The following KIF16B variants were observed in gnomAD, a reference collection of about 807,000 sequenced individuals.
KIF16B encodes the protein kinesin-like protein KIF16B.
KIF16B carries 98 observed loss-of-function variants against 156.3 expected under a neutral mutation model. The observed-to-expected ratio is 0.63, with a 90% confidence interval of 0.53 to 0.74. The LOEUF is 0.74. Ranked by LOEUF, KIF16B falls within the 30% of genes least tolerant of loss-of-function variation. The pLI, the probability that KIF16B is intolerant of heterozygous loss-of-function variation, is 0.00. For missense variants in KIF16B, 1,421 were observed against 1,606.5 expected (o/e 0.88, Z 1.97); for synonymous variants, 564 against 583.7 (o/e 0.97, Z 0.49).
chr20:16,511,403 A>G lies in KIF16B; in HGVS notation c.556+15T>C. On this transcript the variant is annotated intron_variant, in intron 6 of 25. Transcript: ENST00000354981. Reference sequence around the variant, plus strand: ...GATCACAAAAAGAATATGGCTGTGAAATATCTACTCTTACCCTCAACATAA... The same window carrying G: ...GATCACAAAAAGAATATGGCTGTGAGATATCTACTCTTACCCTCAACATAA... The G allele has an allele frequency of 6.6e-6, 9 of 1,371,222 alleles. No homozygotes were observed. Among genetic ancestry groups the G allele is most frequent in the Non-Finnish European group, 9.1e-6 (9 of 983,726 alleles). 84.9% of individuals were successfully genotyped at this position (1,371,222 alleles called of 1,614,324 possible).
At chr20:16,359,401 C>T (rs2064506784) in intron 22 of KIF16B, among the ~76,000 whole-genome samples, 1 of 152,184 alleles carries the variant, frequency 6.6e-6, no homozygotes, top group African/African-American at 2.4e-5. Context: ...TTCCCCTTCA[C>T]CTTCCACCAT....
chr20:16,521,328 A>G (rs1363163525), intron 3 of KIF16B, among the ~76,000 whole-genome samples: 2 of 151,882 alleles, frequency 1.3e-5, no homozygotes, highest in Non-Finnish European at 2.9e-5. Context: ...AACATAAATG[A>G]CCTGATCGAG....
chr20:16,494,064 A>G (rs1243053043), intron 12 of KIF16B, among the ~76,000 whole-genome samples: 3 of 152,200 alleles, frequency 2.0e-5, no homozygotes, highest in Non-Finnish European at 2.9e-5. Context: ...TTAAATATCA[A>G]TATAACCTGT....
At position 16,520,141 on chromosome 20, in the gene KIF16B, T is replaced by G. The variant is rs1401565205; in HGVS notation, c.232-4477A>C. Among the ~76,000 whole-genome samples, 4 of 147,024 alleles carry G rather than the reference T, an allele frequency of 2.7e-5. No individual in the cohort carries two copies. The Admixed American group carries it at 2.7e-4, about 10-fold the overall frequency. On this transcript the variant is annotated intron_variant, in intron 3 of 25. Transcript: ENST00000354981. ...AGCTGCAGGAGTTTTTTTTTTTTTTTCATACCCTGGTGGCACCTGGAACAC... is the reference window on the plus strand; with the variant it reads ...AGCTGCAGGAGTTTTTTTTTTTTTTGCATACCCTGGTGGCACCTGGAACAC...
rs1357276952 is a variant in KIF16B at position 16,507,948 on chromosome 20, C to T, written c.699+10G>A. ...GGGATGGAGCCAGCTGGTCCCGCAG[C>T]AGCCCTTACCTGAGTGAACTTGATG... On this transcript the variant is annotated intron_variant, in intron 7 of 25. Coordinates refer to ENST00000354981, the MANE Select transcript of KIF16B (RefSeq NM_024704.5). 1 of 1,613,852 alleles carries T rather than the reference C, an allele frequency of 6.2e-7. No individual in the cohort carries two copies. Among genetic ancestry groups the T allele is most frequent in the Non-Finnish European group, 8.5e-7 (1 of 1,179,936 alleles).
chr20:16,357,739 C>T (rs765293199), intron 22 of KIF16B, among the ~76,000 whole-genome samples: 1 of 152,196 alleles, frequency 6.6e-6, no homozygotes, highest in Non-Finnish European at 1.5e-5. Flanking sequence ...TTTCAGATTG[C>T]TGCTTTTAAT....
rs1024796489 is a variant in KIF16B, at chr20:16,573,437, G to A, written c.-162C>T. On this transcript the variant is annotated 5_prime_UTR_variant, in exon 1 of 26. Transcript: ENST00000354981. Reference sequence around the variant, plus strand: ...GTTCCGCGGCAGCCCCACCTGCCAGGCCACTGAGCATGCCCAGAACGGCTC... The same window carrying A: ...GTTCCGCGGCAGCCCCACCTGCCAGACCACTGAGCATGCCCAGAACGGCTC... The A allele has an allele frequency of 2.9e-5, 21 of 735,564 alleles. No individual in the cohort carries two copies. In the Admixed American group the frequency reaches 4.8e-4, roughly 17 times the overall value. 45.6% of individuals were successfully genotyped at this position (735,564 alleles called of 1,614,324 possible). A position where few individuals can be genotyped will look rare whatever the true frequency, so the allele number is the denominator to read the frequency against.
intron 15 of KIF16B, among the ~76,000 whole-genome samples, chr20:16,418,546 G>T (rs1600345526): frequency 6.6e-6 from 1 of 152,260 alleles, no homozygotes; most frequent in East Asian, 1.9e-4. Flanking sequence ...ACCTTCTGTG[G>T]TTTCCACACA....
chr20:16,494,764 G>A (rs1248153835), intron 11 of KIF16B, among the ~76,000 whole-genome samples: 2 of 152,080 alleles, frequency 1.3e-5, no homozygotes, highest in African/African-American at 2.4e-5. Flanking sequence ...AATCACCTTG[G>A]ATGCTGTAGT....
At chr20:16,320,197 G>A (rs2063753908) in intron 24 of KIF16B, among the ~76,000 whole-genome samples, 1 of 152,028 alleles carries the variant, frequency 6.6e-6, no homozygotes, top group South Asian at 2.1e-4. Flanking sequence ...ACACCACATC[G>A]ACATCAACCA....
At chr20:16,453,395 A>T (rs2067136057) in intron 12 of KIF16B, among the ~76,000 whole-genome samples, 1 of 152,186 alleles carries the variant, frequency 6.6e-6, no homozygotes, top group Non-Finnish European at 1.5e-5. Context: ...TATAAATTTC[A>T]CTATAAAAAC....
rs1008296180 is a variant in KIF16B at position 16,472,117 on chromosome 20, CT to C, written c.1302+22173del. 5.9e-5 allele frequency among the ~76,000 whole-genome samples: 9 copies of C among 152,310 alleles called. No homozygotes were observed. The South Asian group carries it at 1.7e-3, about 28-fold the overall frequency. ...AAACTAATGGTCCGAGGGTAGCACT[CT>C]GCTGCTTTTGTAAATAAAGGTTTCT... On this transcript the variant is annotated intron_variant, in intron 12 of 25. Coordinates refer to ENST00000354981, the MANE Select transcript of KIF16B (RefSeq NM_024704.5).
At chr20:16,519,008 C>T (rs1462484666) in intron 3 of KIF16B, among the ~76,000 whole-genome samples, 1 of 152,166 alleles carries the variant, frequency 6.6e-6, no homozygotes, top group African/African-American at 2.4e-5. Flanking sequence ...TGGTCCAATT[C>T]TGCTACTATT....
chr20:16,296,069 C>T (rs1030257418), intron 25 of KIF16B, among the ~76,000 whole-genome samples: 4 of 152,286 alleles, frequency 2.6e-5, no homozygotes, highest in African/African-American at 9.6e-5. Context: ...CTTCTCACCC[C>T]TGTTGTGCCA....
intron 25 of KIF16B, among the ~76,000 whole-genome samples, chr20:16,278,562 C>T (rs541701213): frequency 6.6e-6 from 1 of 152,238 alleles, no homozygotes; most frequent in Non-Finnish European, 1.5e-5. Flanking sequence ...TATTTTGTTG[C>T]TCAGGGGCAG....
intron 12 of KIF16B, among the ~76,000 whole-genome samples, chr20:16,491,963 G>A (rs2068306663): frequency 1.3e-5 from 2 of 152,184 alleles, no homozygotes; most frequent in Non-Finnish European, 2.9e-5. Context: ...GAACTTTCAA[G>A]AGCAATTCTG....
chr20:16,430,478 A>G (rs189147803), intron 12 of KIF16B, among the ~76,000 whole-genome samples: 170 of 152,156 alleles, frequency 1.1e-3, no homozygotes, highest in South Asian at 2.1e-3. Flanking sequence ...ATTCCCTGCT[A>G]TACATTAATA....
intron 1 of KIF16B, among the ~76,000 whole-genome samples, chr20:16,540,127 G>A (rs2070137415): frequency 6.6e-6 from 1 of 152,208 alleles, no homozygotes; most frequent in Non-Finnish European, 1.5e-5. Context: ...AAGGAAGCCT[G>A]TAAGTGGAAG....
At chr20:16,382,071 G>A (rs1289765746) in intron 17 of KIF16B, 3 of 1,311,664 alleles carry the variant, frequency 2.3e-6, no homozygotes, top group Non-Finnish European at 3.1e-6. Context: ...TAGCACTGAT[G>A]AGTATATAAA....
Sources: allele counts gnomAD v4.1 joint callset (sites outside exome capture counted in the v4.1 genomes callset), GRCh38; gene constraint gnomAD v4.1.1; transcripts MANE v1.5; gene names NCBI Gene and HGNC (gene_info 2026-07-23, HGNC 2026-07-21).